The following KREMEN1 variants were observed in gnomAD, a reference collection of about 807,000 sequenced individuals.
KREMEN1 encodes the protein kringle containing transmembrane protein 1.
Under a neutral mutation model 46.5 loss-of-function variants are expected in KREMEN1, and 30 were observed. The observed-to-expected ratio is 0.65, with a 90% confidence interval of 0.48 to 0.88. The LOEUF (loss-of-function observed/expected upper bound fraction) is 0.88, where lower values mean the gene tolerates loss of function less well. Ranked by LOEUF, KREMEN1 falls within the 40% of genes least tolerant of loss-of-function variation. The pLI, the probability that KREMEN1 is intolerant of heterozygous loss-of-function variation, is 0.00. For synonymous variants in KREMEN1, 214 were observed against 230.6 expected, an observed-to-expected ratio of 0.93 and a Z score of 0.65; for missense variants, 533 against 596.9, an observed-to-expected ratio of 0.89 and a Z score of 1.11.
intron 5 of KREMEN1, among the ~76,000 whole-genome samples, chr22:29,131,042 G>A (rs1160294680): frequency 6.6e-6 from 1 of 152,158 alleles, no homozygotes; most frequent in East Asian, 1.9e-4. Context: ...ACCAGTTTCA[G>A]TTGGATACTT....
intron 1 of KREMEN1, among the ~76,000 whole-genome samples, chr22:29,078,557 G>C (rs1236473192): frequency 1.3e-5 from 2 of 151,606 alleles, no homozygotes; most frequent in African/African-American, 2.4e-5. Flanking sequence ...TTATGTCCAT[G>C]GTTCTGTTGT....
At chr22:29,087,792 C>T (rs2049937) in intron 1 of KREMEN1, among the ~76,000 whole-genome samples, 74,755 of 152,002 alleles carry the variant, frequency 0.49, 19,137 homozygotes, top group Middle Eastern at 0.61. Flanking sequence ...CTCAAACTCC[C>T]GACCTCAGGT....
intron 9 of KREMEN1, among the ~76,000 whole-genome samples, chr22:29,156,386 A>G (rs116777110): frequency 7.2e-5 from 11 of 152,222 alleles, no homozygotes; most frequent in Admixed American, 2.0e-4. Flanking sequence ...AAAGAGAAAG[A>G]CTCTTGCAAT....
chr22:29,093,765 A>G (rs776799913), intron 1 of KREMEN1, among the ~76,000 whole-genome samples: 18 of 152,206 alleles, frequency 1.2e-4, no homozygotes, highest in Admixed American at 2.0e-4. Context: ...GCATTGCTGT[A>G]TCCGATGATC....
intron 5 of KREMEN1, among the ~76,000 whole-genome samples, chr22:29,129,710 G>A (rs926118426): frequency 3.3e-5 from 5 of 152,076 alleles, no homozygotes; most frequent in African/African-American, 4.8e-5. Context: ...GACAGACGAC[G>A]GGGCTAGTGG....
At chr22:29,118,892 C>T (rs990714266) in intron 3 of KREMEN1, among the ~76,000 whole-genome samples, 5 of 152,214 alleles carry the variant, frequency 3.3e-5, no homozygotes, top group Admixed American at 1.3e-4. Context: ...CACTACCTAA[C>T]TCAGTCCCAC....
intron 9 of KREMEN1, among the ~76,000 whole-genome samples, chr22:29,161,907 T>C (rs1053607352): frequency 5.9e-5 from 9 of 151,822 alleles, no homozygotes; most frequent in Admixed American, 2.6e-4. Context: ...CTAGAGGCCA[T>C]AAGTTCGAGA....
chr22:29,143,915 G>A lies in KREMEN1; in HGVS notation c.*1803G>A, dbSNP rs1025329893. 9 of 985,354 alleles carry A rather than the reference G, an allele frequency of 9.1e-6. No homozygotes were observed. The African/African-American group carries it at 1.0e-4, about 11-fold the overall frequency. 61.0% of individuals were successfully genotyped at this position (985,354 alleles called of 1,614,324 possible). On this transcript the variant is annotated 3_prime_UTR_variant, in exon 9 of 9. Coordinates refer to ENST00000400335, the MANE Select transcript of KREMEN1 (RefSeq NM_001039570.3). ...CAGAGATTGGTGCCAGAAGAGGGTG[G>A]GTTTGGGAATTGGAGCTCCTCCAAG...
chr22:29,080,889 T>A (rs2037642443), intron 1 of KREMEN1, among the ~76,000 whole-genome samples: 1 of 151,172 alleles, frequency 6.6e-6, no homozygotes, highest in South Asian at 2.1e-4. Context: ...GCCCAAAATG[T>A]CAGTAGCACT....
downstream of KREMEN1, among the ~76,000 whole-genome samples, chr22:29,147,823 C>T (rs1392772494): frequency 1.3e-5 from 2 of 152,210 alleles, no homozygotes; most frequent in Non-Finnish European, 2.9e-5. Flanking sequence ...CTGGGTAGCT[C>T]AGGCTCACAT....
chr22:29,106,472 G>A (rs1601774528), intron 3 of KREMEN1, among the ~76,000 whole-genome samples: 1 of 151,060 alleles, frequency 6.6e-6, no homozygotes, highest in Admixed American at 6.6e-5. Context: ...CTCGTGATCC[G>A]CCCGCCTCGG....
chr22:29,121,498 T>C lies in KREMEN1; in HGVS notation c.477+17T>C, dbSNP rs947537644. The C allele has an allele frequency of 5.0e-6, 8 of 1,608,608 alleles. No individual in the cohort carries two copies. The African/African-American group carries it at 8.0e-5, about 16-fold the overall frequency. Reference sequence around the variant, plus strand: ...AGGTTCAAGGTGATGACTCTGTGGCTGTGTAACTATAGAAAAATATAAAGA... The same window carrying C: ...AGGTTCAAGGTGATGACTCTGTGGCCGTGTAACTATAGAAAAATATAAAGA... On this transcript the variant is annotated intron_variant, in intron 4 of 8. Transcript: ENST00000400335.
Position 29,145,597 on chromosome 22 carries a change from C to T in KREMEN1, c.*3485C>T, listed in dbSNP as rs1462984196. The T allele has an allele frequency of 7.1e-6, 7 of 985,446 alleles. No individual in the cohort carries two copies. The highest frequency in any genetic ancestry group is 6.0e-6 in the Non-Finnish European group (5 of 830,044). 61.0% of individuals were successfully genotyped at this position (985,446 alleles called of 1,614,324 possible). On this transcript the variant is annotated 3_prime_UTR_variant, in exon 9 of 9. Coordinates refer to ENST00000400335, the MANE Select transcript of KREMEN1 (RefSeq NM_001039570.3). ...TAGCAGCGTTTCTCAGTGTCCTTGGCCCTTCTGAGAAGGCAGGCGGGAGGC... is the reference window on the plus strand; with the variant it reads ...TAGCAGCGTTTCTCAGTGTCCTTGGTCCTTCTGAGAAGGCAGGCGGGAGGC...
intron 3 of KREMEN1, among the ~76,000 whole-genome samples, chr22:29,120,552 C>CGATGGAAACAGGGAGGAGGGAGAGTTGAT (rs2038336286): frequency 2.0e-4 from 10 of 49,458 alleles, no homozygotes; most frequent in Non-Finnish European, 4.0e-4. Flanking sequence ...GGAGAGGTGA[C>CGATGGAAACAGGGAGGAGGGAGAGTTGAT]GATGGAAACA....
intron 3 of KREMEN1, among the ~76,000 whole-genome samples, chr22:29,108,659 G>A (rs2145788973): frequency 6.6e-6 from 1 of 152,182 alleles, no homozygotes. Context: ...TTCATAACCT[G>A]CATTTTATTT....
In KREMEN1 at chr22:29,143,477, T is replaced by C; in HGVS notation, c.*1365T>C. The C allele has an allele frequency of 1.0e-6, 1 of 985,130 alleles. No homozygotes were observed. Among genetic ancestry groups the C allele is most frequent in the South Asian group, 4.7e-5 (1 of 21,272 alleles). The allele number at this position is 985,130 out of a possible 1,614,324, so 61.0% of individuals were successfully genotyped here. ...CACCCCAAGGGCCGGGCGCGGTGGC[T>C]CATGCCTGTAATCCCAGCACTTTGG... On this transcript the variant is annotated 3_prime_UTR_variant, in exon 9 of 9. Transcript: ENST00000400335.
At chr22:29,078,482 GAAA>G (rs770244857) in intron 1 of KREMEN1, among the ~76,000 whole-genome samples, 19 of 89,452 alleles carry the variant, frequency 2.1e-4, no homozygotes, top group Non-Finnish European at 3.1e-4. Context: ...AAACAGCCAG[GAAA>G]AAAAAAAAAA....
At chr22:29,074,933 A>G (rs2037542735) in intron 1 of KREMEN1, among the ~76,000 whole-genome samples, 1 of 152,224 alleles carries the variant, frequency 6.6e-6, no homozygotes, top group Admixed American at 6.5e-5. Context: ...TATTTTAATA[A>G]TACTTTTATA....
At chr22:29,077,405 A>T (rs1018399745) in intron 1 of KREMEN1, among the ~76,000 whole-genome samples, 1 of 152,194 alleles carries the variant, frequency 6.6e-6, no homozygotes, top group Non-Finnish European at 1.5e-5. Context: ...GCTGAAGTGC[A>T]GTGGCGCAAT....
Sources: gnomAD v4.1 joint callset for allele counts (sites outside exome capture counted in the v4.1 genomes callset) on GRCh38, gnomAD v4.1.1 for gene constraint, MANE v1.5 for transcripts, NCBI Gene and HGNC (gene_info 2026-07-23, HGNC 2026-07-21) for gene names.